CUX2: variants seen among roughly 807,000 people sequenced by gnomAD.
CUX2 encodes homeobox protein cut-like 2.
In CUX2, 40 loss-of-function variants were observed where a neutral mutation model predicts 144.8. That is an observed-to-expected ratio of 0.28 (90% CI 0.21 to 0.36). The LOEUF (loss-of-function observed/expected upper bound fraction) is 0.36, where lower values mean the gene tolerates loss of function less well. Among genes scored for constraint, CUX2 ranks in the 10% least tolerant of loss-of-function variants. The probability of loss-of-function intolerance (pLI) is 1.00; values close to 1 mark genes in which losing one functional copy is unlikely to be tolerated. For missense variants in CUX2, 1,615 were observed against 1,994.0 expected, an observed-to-expected ratio of 0.81 and a Z score of 3.62; for synonymous variants, 827 against 875.6, an observed-to-expected ratio of 0.94 and a Z score of 0.98.
chr12:111,308,470 C>G lies in CUX2; in HGVS notation c.1202C>G (p.Ala401Gly). 6.2e-7 allele frequency: 1 copy of G among 1,614,146 alleles called. No individual in the cohort carries two copies. Among genetic ancestry groups the G allele is most frequent in the Non-Finnish European group, 8.5e-7 (1 of 1,180,008 alleles). ...GACTCACTGCTTATTGCAAAGGAGG[C>G]CTTCTTCCCCACGCAGAAATTCCTT... ...PEDSLLIAKEAFFPTQKFLLE... is the reference protein window; with the variant it reads ...PEDSLLIAKEGFFPTQKFLLE... The change falls in exon 14 of 22, where the codon GCC becomes GGC. Residue 401 changes from alanine (A) to glycine (G), a missense_variant. Physicochemically the swap from Ala to Gly is moderately conservative, Grantham distance 60. This residue lies in a region of CUX2 where 57 missense variants were observed against 60.8 expected (regional missense o/e 0.94). Coordinates refer to ENST00000261726, the MANE Select transcript of CUX2 (RefSeq NM_015267.4).
At chr12:111,051,494 CTT>C (rs538282930) in intron 1 of CUX2, among the ~76,000 whole-genome samples, 52 of 146,964 alleles carry the variant, frequency 3.5e-4, no homozygotes, top group African/African-American at 1.1e-3. Flanking sequence ...TCCCTAGTAA[CTT>C]TTTTTTTTTG....
chr12:111,326,277 T>A (rs186201959), intron 18 of CUX2, among the ~76,000 whole-genome samples: 1 of 9,750 alleles, frequency 1.0e-4, no homozygotes, highest in African/African-American at 2.1e-3. Flanking sequence ...TAGTGTTGTG[T>A]TGGGGGAGGG....
chr12:111,112,502 T>C (rs767862769), intron 1 of CUX2, among the ~76,000 whole-genome samples: 24 of 152,224 alleles, frequency 1.6e-4, no homozygotes, highest in Middle Eastern at 6.8e-3. Flanking sequence ...GGGCTTTTGC[T>C]GTTTCCTTAA....
rs1878968537 is a variant in CUX2 at position 111,178,234 on chromosome 12, A to T, written c.64-35966A>T. Among the ~76,000 whole-genome samples the T allele has an allele frequency of 6.6e-6, 1 of 152,246 alleles. No homozygotes were observed. Among genetic ancestry groups the T allele is most frequent in the Admixed American group, 6.5e-5 (1 of 15,284 alleles). ...AATATCCTCTTTTCACTTTCATTTT[A>T]AAAACCAGCCAGTGTAATAAATCTT... On this transcript the variant is annotated intron_variant, in intron 1 of 21. Transcript: ENST00000261726. This position sits in a 1 kb window ranked among gnomAD's most constrained non-coding sequence, Gnocchi z 5.7.
At chr12:111,050,915 G>A (rs966171516) in intron 1 of CUX2, among the ~76,000 whole-genome samples, 3 of 152,128 alleles carry the variant, frequency 2.0e-5, no homozygotes, top group Non-Finnish European at 2.9e-5. Flanking sequence ...TTAGATAGAA[G>A]GAATACATTC....
intron 1 of CUX2, among the ~76,000 whole-genome samples, chr12:111,092,609 G>T (rs1399327862): frequency 6.6e-6 from 1 of 152,114 alleles, no homozygotes; most frequent in Non-Finnish European, 1.5e-5. Context: ...TGGATCTGCT[G>T]CCTCCAAGAA....
chr12:111,338,250 C>A, intron 19 of CUX2, 36 bp from the exon 20 acceptor site: 2 of 1,564,286 alleles, frequency 1.3e-6, no homozygotes, highest in South Asian at 1.2e-5. Flanking sequence ...TCTGCCCAGC[C>A]TCGGGTAACA....
chr12:111,156,826 A>G (rs1192486943), intron 1 of CUX2, among the ~76,000 whole-genome samples: 1 of 151,990 alleles, frequency 6.6e-6, no homozygotes, highest in Non-Finnish European at 1.5e-5. Context: ...AAAAATACAA[A>G]ATTAGCCAGG....
At chr12:111,218,034 A>T (rs1881645105) in intron 3 of CUX2, 97 bp downstream of exon 3, 7 of 1,330,028 alleles carry the variant, frequency 5.3e-6, no homozygotes, top group Non-Finnish European at 7.5e-6. Flanking sequence ...CAGCCTCCAG[A>T]AGCTTTGGAG....
At position 111,166,529 on chromosome 12, in the gene CUX2, C is replaced by T. The variant is rs149304887; in HGVS notation, c.64-47671C>T. On this transcript the variant is annotated intron_variant, in intron 1 of 21. Coordinates refer to ENST00000261726, the MANE Select transcript of CUX2 (RefSeq NM_015267.4). ...CTGCAGATATTCTCATTTAACCCAC[C>T]CAACAACTCTATGAGGTATGAACCC... Among the ~76,000 whole-genome samples, 52 of 152,342 alleles carry T rather than the reference C, an allele frequency of 3.4e-4. No homozygotes were observed. The East Asian group carries it at 6.4e-3, about 19-fold the overall frequency.
chr12:111,094,641 G>T (rs1872718927), intron 1 of CUX2, among the ~76,000 whole-genome samples: 1 of 152,154 alleles, frequency 6.6e-6, no homozygotes, highest in South Asian at 2.1e-4. Context: ...GGGACTACAG[G>T]CGTGTGCCAC....
Position 111,348,272 on chromosome 12 carries a change from T to C in CUX2, c.4408T>C (p.Tyr1470His). ...EKMANLNNII[Y>H]RVERAANREE... is the part of the protein sequence containing the mutation. Reference sequence around the variant, plus strand: ...GATGGCCAATCTGAACAACATCATTTACCGAGTAGAGCGGGCTGCCAATCG... The same window carrying C: ...GATGGCCAATCTGAACAACATCATTCACCGAGTAGAGCGGGCTGCCAATCG... The change falls in exon 22 of 22, where the codon TAC becomes CAC. Residue 1470 changes from tyrosine (Y) to histidine (H), a missense_variant. This residue lies in a region of CUX2 where 298 missense variants were observed against 330.4 expected (regional missense o/e 0.90). Transcript: ENST00000261726. 6.2e-7 allele frequency: 1 copy of C among 1,613,798 alleles called. No individual in the cohort carries two copies. The highest frequency in any genetic ancestry group is 1.6e-4 in the Middle Eastern group (1 of 6,062).
At chr12:111,338,667 C>G (rs189038561) in intron 20 of CUX2, among the ~76,000 whole-genome samples, 193 bp downstream of exon 20, 10 of 152,264 alleles carry the variant, frequency 6.6e-5, no homozygotes, top group African/African-American at 1.9e-4. Flanking sequence ...TACAGCCTGT[C>G]GCAGTGGCAG....
At position 111,287,381 on chromosome 12, in the gene CUX2, C is replaced by A. The variant is rs3809278; in HGVS notation, c.302-4037C>A. Among the ~76,000 whole-genome samples the A allele has an allele frequency of 0.2, 30,113 of 152,242 alleles. 3,969 individuals are homozygous for A. Among genetic ancestry groups the A allele is most frequent in the East Asian group, 0.64 (3,301 of 5,150 alleles). ...ACCGCACCGTCTTGTGTTTGTCTAA[C>A]TTCCCTGACCCCGGCGAGTGCTCGT... On this transcript the variant is annotated intron_variant, in intron 4 of 21. Coordinates refer to ENST00000261726, the MANE Select transcript of CUX2 (RefSeq NM_015267.4). The surrounding 1 kb of genome is among the most constrained non-coding windows in gnomAD (Gnocchi z 4.2).
chr12:111,168,977 C>T (rs1878335470), intron 1 of CUX2, among the ~76,000 whole-genome samples: 1 of 152,064 alleles, frequency 6.6e-6, no homozygotes, highest in African/African-American at 2.4e-5. Context: ...TCATCACTAC[C>T]CCTCCATCTC....
intron 4 of CUX2, among the ~76,000 whole-genome samples, chr12:111,276,226 G>A (rs1296272517): frequency 2.0e-5 from 3 of 152,054 alleles, no homozygotes; most frequent in African/African-American, 7.2e-5. Context: ...GGTGACGCGT[G>A]CCTGTAGTCC....
At chr12:111,212,687 C>T (rs899122784) in intron 1 of CUX2, among the ~76,000 whole-genome samples, 1 of 152,222 alleles carries the variant, frequency 6.6e-6, no homozygotes, top group Non-Finnish European at 1.5e-5. Context: ...CTACCTTCTC[C>T]CTTCTAGTCT....
chr12:111,091,055 G>A (rs990153808), intron 1 of CUX2, among the ~76,000 whole-genome samples: 6 of 152,182 alleles, frequency 3.9e-5, no homozygotes, highest in Non-Finnish European at 7.3e-5. Context: ...GCTGCGCCGT[G>A]TCCTCACTAC....
At chr12:111,265,647 C>CT (rs1345954964) in intron 4 of CUX2, among the ~76,000 whole-genome samples, 1 of 152,030 alleles carries the variant, frequency 6.6e-6, no homozygotes, top group East Asian at 1.9e-4. Flanking sequence ...CCGGCCAAAA[C>CT]TTTCCCTTGT....
Sources: allele counts gnomAD v4.1 joint callset (sites outside exome capture counted in the v4.1 genomes callset), GRCh38; gene constraint gnomAD v4.1.1; regional missense constraint gnomAD v4.1.1; non-coding constraint Gnocchi (gnomAD v3.1); transcripts MANE v1.5; gene names NCBI Gene and HGNC (gene_info 2026-07-23, HGNC 2026-07-21).